The following NPLOC4 variants were observed in gnomAD, a reference collection of about 807,000 sequenced individuals.
NPLOC4 encodes the protein NPL4 homolog, ubiquitin recognition factor.
A neutral mutation model predicts 80.6 loss-of-function variants in NPLOC4; 18 were observed. The observed-to-expected ratio is 0.22, with a 90% CI of 0.15 to 0.33. The LOEUF (loss-of-function observed/expected upper bound fraction) is 0.33, where lower values mean the gene tolerates loss of function less well. NPLOC4 is among the 10% of genes least tolerant of loss of function. The probability of loss-of-function intolerance (pLI) is 1.00; values close to 1 mark genes in which losing one functional copy is unlikely to be tolerated. For synonymous variants in NPLOC4, 313 were observed against 301.5 expected, an observed-to-expected ratio of 1.04 and a Z score of -0.39; for missense variants, 540 against 786.1, an observed-to-expected ratio of 0.69 and a Z score of 3.74.
At chr17:81,618,182 GC>G (rs2035554538) in intron 3 of NPLOC4, among the ~76,000 whole-genome samples, 1 of 151,466 alleles carries the variant, frequency 6.6e-6, no homozygotes, top group Non-Finnish European at 1.5e-5. Context: ...GAGCGTCTCT[GC>G]CCGGCCGCCA....
intron 2 of NPLOC4, among the ~76,000 whole-genome samples, chr17:81,623,086 C>T (rs1176563318): frequency 6.6e-6 from 1 of 151,524 alleles, no homozygotes; most frequent in African/African-American, 2.4e-5. Context: ...CCCAGCTACC[C>T]GTGAGGCTGA....
intron 11 of NPLOC4, among the ~76,000 whole-genome samples, chr17:81,591,160 C>T (rs1282310491): frequency 2.6e-5 from 4 of 152,092 alleles, no homozygotes; most frequent in Admixed American, 1.3e-4. Context: ...CTGGGCTTGG[C>T]GCAGTGGTTC....
rs2033661382 is a variant in NPLOC4, at chr17:81,557,047, T to A, written c.*2212A>T. The A allele has an allele frequency of 6.6e-6, 1 of 152,212 alleles. No individual in the cohort carries two copies. The highest frequency in any genetic ancestry group is 2.4e-5 in the African/African-American group (1 of 41,410). 9.4% of individuals were successfully genotyped at this position (152,212 alleles called of 1,614,324 possible). On this transcript the variant is annotated 3_prime_UTR_variant, in exon 17 of 17. Transcript: ENST00000331134. ...GAGGGAGCCAGGGCCAGGCCCCACC[T>A]CCTCTCGGGACCAGGAGACTGGCAG...
chr17:81,569,427 T>C (rs552355234), intron 13 of NPLOC4, among the ~76,000 whole-genome samples: 4 of 152,336 alleles, frequency 2.6e-5, no homozygotes, highest in African/African-American at 7.2e-5. Flanking sequence ...TCACACAGGT[T>C]CTCTCCCTCT....
At chr17:81,604,748 G>A in intron 7 of NPLOC4, 21 bp from the exon 8 acceptor site, 1 of 1,591,790 alleles carries the variant, frequency 6.3e-7, no homozygotes, top group Non-Finnish European at 8.6e-7. Context: ...AACAAGAGTG[G>A]GCTGATGAAA....
In NPLOC4 at chr17:81,629,488, G is replaced by A. The variant is rs78548347; in HGVS notation, c.96+237C>T. 5.6e-3 allele frequency among the ~76,000 whole-genome samples: 850 copies of A among 152,158 alleles called. 14 individuals are homozygous for A. The highest frequency in any genetic ancestry group is 0.019 in the African/African-American group (803 of 41,512). On this transcript the variant is annotated intron_variant, in intron 2 of 16. Transcript: ENST00000331134. ...CAGGTGTGAGCCACCACGCCCAGCCGTGAAATATTTTTACACTTACCTTTG... is the reference window on the plus strand; with the variant it reads ...CAGGTGTGAGCCACCACGCCCAGCCATGAAATATTTTTACACTTACCTTTG...
intron 11 of NPLOC4, among the ~76,000 whole-genome samples, chr17:81,589,787 C>A (rs1262554551): frequency 6.6e-6 from 1 of 150,704 alleles, no homozygotes; most frequent in Non-Finnish European, 1.5e-5. Context: ...TGCTTGAGCC[C>A]AGGAGTTTGA....
Position 81,580,054 on chromosome 17 carries a change from T to C in NPLOC4, c.1282-7966A>G, listed in dbSNP as rs920695449. Among the ~76,000 whole-genome samples the C allele has an allele frequency of 6.6e-6, 1 of 152,122 alleles. No individual in the cohort carries two copies. Among genetic ancestry groups the C allele is most frequent in the African/African-American group, 2.4e-5 (1 of 41,418 alleles). On this transcript the variant is annotated intron_variant, in intron 12 of 16. Coordinates refer to ENST00000331134, the MANE Select transcript of NPLOC4 (RefSeq NM_017921.4). This position sits in a 1 kb window ranked among gnomAD's most constrained non-coding sequence, Gnocchi z 4.4. ...TTCTTGCCTGCCTTCCAGGGCGCTA[T>C]GCTCCTGCCCCTCCTCCCCAGCTCC...
chr17:81,624,904 G>A (rs535990754), intron 2 of NPLOC4, among the ~76,000 whole-genome samples: 1 of 152,344 alleles, frequency 6.6e-6, no homozygotes, highest in Admixed American at 6.5e-5. Context: ...AAGGAAGATG[G>A]AAAGAGATGA....
intron 1 of NPLOC4, among the ~76,000 whole-genome samples, chr17:81,634,496 T>C (rs2036015971): frequency 6.6e-6 from 1 of 152,180 alleles, no homozygotes; most frequent in Non-Finnish European, 1.5e-5. Flanking sequence ...TCAATGGTTA[T>C]TTTAACTCAG....
intron 13 of NPLOC4, 135 bp from the exon 14 acceptor site, chr17:81,569,246 A>C: frequency 1.6e-6 from 1 of 627,416 alleles, no homozygotes; most frequent in Non-Finnish European, 2.9e-6. Flanking sequence ...CAAGCTCTCC[A>C]TCAAAGGGAA....
rs1017607080 is a variant in NPLOC4, at chr17:81,559,039, G to A, written c.*220C>T. 2.0e-5 allele frequency: 11 copies of A among 559,672 alleles called. No individual in the cohort carries two copies. The South Asian group carries it at 2.5e-4, about 13-fold the overall frequency. The allele number at this position is 559,672 out of a possible 1,614,324, so 34.7% of individuals were successfully genotyped here. ...AGGAGCCGCTCTGCGTTTCCAGTCTGGAGACTGCATTCAGCCTGCAGAATA... is the reference window on the plus strand; with the variant it reads ...AGGAGCCGCTCTGCGTTTCCAGTCTAGAGACTGCATTCAGCCTGCAGAATA... On this transcript the variant is annotated 3_prime_UTR_variant, in exon 17 of 17. Transcript: ENST00000331134.
intron 3 of NPLOC4, among the ~76,000 whole-genome samples, chr17:81,616,299 C>T (rs543913251): frequency 5.3e-4 from 67 of 127,554 alleles, no homozygotes; most frequent in South Asian, 4.9e-3. Flanking sequence ...CCAGCCTGGG[C>T]GACATAGCAA....
rs2033681311 is a variant in NPLOC4, at chr17:81,557,548, G to A, written c.*1711C>T. The A allele has an allele frequency of 1.3e-5, 2 of 152,294 alleles. No individual in the cohort carries two copies. 9.4% of individuals were successfully genotyped at this position (152,294 alleles called of 1,614,324 possible). A position where few individuals can be genotyped will look rare whatever the true frequency, so the allele number is the denominator to read the frequency against. On this transcript the variant is annotated 3_prime_UTR_variant, in exon 17 of 17. Coordinates refer to ENST00000331134, the MANE Select transcript of NPLOC4 (RefSeq NM_017921.4). ...CTGTCCAGCCTCTGCCCAGTGGTGG[G>A]GGAAGGCCTTGGACTCACAGGGAAG...
intron 13 of NPLOC4, among the ~76,000 whole-genome samples, chr17:81,570,916 C>G (rs560146776): frequency 2.0e-5 from 3 of 151,718 alleles, no homozygotes; most frequent in African/African-American, 7.3e-5. Flanking sequence ...TGCACTAAGG[C>G]AAAAACTTAA....
chr17:81,584,334 C>T (rs995451650), intron 12 of NPLOC4, among the ~76,000 whole-genome samples: 1 of 152,226 alleles, frequency 6.6e-6, no homozygotes, highest in South Asian at 2.1e-4. Flanking sequence ...TCTATGAAAA[C>T]AACAGAATGA....
intron 6 of NPLOC4, among the ~76,000 whole-genome samples, chr17:81,607,197 T>C (rs1428306557): frequency 2.0e-5 from 3 of 152,196 alleles, no homozygotes; most frequent in South Asian, 2.1e-4. Flanking sequence ...GTCAGAAACT[T>C]TGACATTAGC....
intron 12 of NPLOC4, among the ~76,000 whole-genome samples, chr17:81,583,781 T>C (rs1177731128): frequency 1.3e-5 from 2 of 152,194 alleles, no homozygotes; most frequent in Non-Finnish European, 2.9e-5. Context: ...TCCTCCCTCC[T>C]GAAGGACAGT....
intron 11 of NPLOC4, among the ~76,000 whole-genome samples, chr17:81,593,077 C>T (rs1180880798): frequency 6.6e-6 from 1 of 152,160 alleles, no homozygotes; most frequent in Non-Finnish European, 1.5e-5. Context: ...TGTTCCATAT[C>T]CCACAAGACT....
Sources: gnomAD v4.1 joint callset for allele counts (sites outside exome capture counted in the v4.1 genomes callset) on GRCh38, gnomAD v4.1.1 for gene constraint, Gnocchi (gnomAD v3.1) non-coding constraint, MANE v1.5 for transcripts, NCBI Gene and HGNC (gene_info 2026-07-23, HGNC 2026-07-21) for gene names.